Variants in PDE4D observed in about 807,000 individuals in gnomAD.
PDE4D encodes the protein 3',5'-cyclic-AMP phosphodiesterase 4D.
A neutral mutation model predicts 87.4 loss-of-function variants in PDE4D; 24 were observed. That is an observed-to-expected ratio of 0.27 (90% CI 0.20 to 0.39). The LOEUF (loss-of-function observed/expected upper bound fraction) is 0.39. Among genes scored for constraint, PDE4D ranks in the 10% least tolerant of loss-of-function variants. The pLI is 1.00. For missense variants in PDE4D, 714 were observed against 1,041.0 expected (o/e 0.69, Z 4.32); for synonymous variants, 384 against 383.2 (o/e 1.00, Z -0.02).
intron 3 of PDE4D, among the ~76,000 whole-genome samples, chr5:59,961,626 C>T (rs1322019322): frequency 6.6e-6 from 1 of 151,810 alleles, no homozygotes; most frequent in Non-Finnish European, 1.5e-5. Flanking sequence ...GAGAGATAAA[C>T]AATAAATAAA....
chr5:59,831,933 G>A (rs974939462), intron 1 of PDE4D, among the ~76,000 whole-genome samples: 1 of 152,062 alleles, frequency 6.6e-6, no homozygotes, highest in Admixed American at 6.6e-5. Flanking sequence ...AGGGCTCTAC[G>A]AGACAAGCCA....
chr5:59,570,841 G>A (rs940145492), intron 1 of PDE4D, among the ~76,000 whole-genome samples: 2 of 151,976 alleles, frequency 1.3e-5, no homozygotes, highest in Non-Finnish European at 2.9e-5. Context: ...TTAGAAGAGG[G>A]GAAAAACACA....
chr5:60,362,005 C>T (rs1294289900), intron 1 of PDE4D, among the ~76,000 whole-genome samples: 2 of 152,180 alleles, frequency 1.3e-5, no homozygotes, highest in African/African-American at 2.4e-5. Context: ...CTTGTCTCCC[C>T]CTAAATACCT....
At chr5:59,754,933 T>C (rs1167021530) in intron 1 of PDE4D, among the ~76,000 whole-genome samples, 1 of 151,218 alleles carries the variant, frequency 6.6e-6, no homozygotes, top group Admixed American at 6.6e-5. Flanking sequence ...AAGTTCAGTG[T>C]GTTTACCTGC....
At chr5:59,269,664 T>C (rs193164420) in intron 1 of PDE4D, among the ~76,000 whole-genome samples, 15 of 152,038 alleles carry the variant, frequency 9.9e-5, no homozygotes, top group Middle Eastern at 3.4e-3. Context: ...AAGGAGAGGG[T>C]TTGAATTTGG....
chr5:60,207,700 TA>T (rs1742712496), intron 1 of PDE4D, among the ~76,000 whole-genome samples: 2 of 152,342 alleles, frequency 1.3e-5, no homozygotes, highest in South Asian at 4.1e-4. Context: ...TTCAATATTC[TA>T]AAAATATTCA....
At chr5:60,210,347 GT>G (rs200213636) in intron 1 of PDE4D, among the ~76,000 whole-genome samples, 115 of 149,788 alleles carry the variant, frequency 7.7e-4, no homozygotes, top group South Asian at 3.8e-3. Context: ...TGTCTCATTT[GT>G]TTTTTTTTTA....
intron 1 of PDE4D, among the ~76,000 whole-genome samples, chr5:59,835,261 T>G (rs1741843615): frequency 6.6e-6 from 1 of 152,038 alleles, no homozygotes; most frequent in South Asian, 2.1e-4. Flanking sequence ...TGGAACTTTG[T>G]GCATATTGGA....
intron 2 of PDE4D, chr5:60,127,803 A>G: frequency 2.2e-6 from 1 of 453,730 alleles, no homozygotes; most frequent in Non-Finnish European, 3.9e-6. Context: ...GAGGACAAAT[A>G]TGGGCTGAAT....
At chr5:60,071,262 T>C (rs1772687267) in intron 2 of PDE4D, among the ~76,000 whole-genome samples, 1 of 152,024 alleles carries the variant, frequency 6.6e-6, no homozygotes, top group Non-Finnish European at 1.5e-5. Flanking sequence ...TTGTTCTACT[T>C]CCTTGAGATG....
intron 4 of PDE4D, 75 bp from the exon 5 acceptor site, chr5:59,180,719 G>T: frequency 7.7e-7 from 1 of 1,301,424 alleles, no homozygotes. Flanking sequence ...AGTCATTTCA[G>T]ATATAGCATT....
At chr5:60,467,412 C>T (rs913929771) in intron 1 of PDE4D, among the ~76,000 whole-genome samples, 1 of 152,086 alleles carries the variant, frequency 6.6e-6, no homozygotes, top group African/African-American at 2.4e-5. Context: ...TACTTGGAGC[C>T]CCAGAAATGT....
At chr5:59,122,520 T>G (rs1774718263) in intron 5 of PDE4D, among the ~76,000 whole-genome samples, 1 of 152,176 alleles carries the variant, frequency 6.6e-6, no homozygotes, top group Non-Finnish European at 1.5e-5. Flanking sequence ...GTATTGCATA[T>G]TTCAAAATAG....
At chr5:59,810,781 T>G (rs951431931) in intron 1 of PDE4D, among the ~76,000 whole-genome samples, 3 of 152,260 alleles carry the variant, frequency 2.0e-5, no homozygotes, top group Admixed American at 2.0e-4. Context: ...ATACAAACTT[T>G]AATGGCTATT....
intron 1 of PDE4D, among the ~76,000 whole-genome samples, chr5:60,309,801 T>A (rs1420353396): frequency 6.6e-6 from 1 of 152,214 alleles, no homozygotes; most frequent in Non-Finnish European, 1.5e-5. Context: ...CTTATAGCAA[T>A]GCTAATTTGC....
upstream of PDE4D, among the ~76,000 whole-genome samples, chr5:59,895,976 A>T (rs557187375): frequency 2.2e-3 from 342 of 152,346 alleles, 1 homozygote; most frequent in African/African-American, 7.7e-3. Flanking sequence ...GGAACATTTT[A>T]AAATGTAAGA....
intron 6 of PDE4D, among the ~76,000 whole-genome samples, chr5:59,028,446 G>T (rs1220381908): frequency 2.0e-5 from 3 of 149,776 alleles, no homozygotes; most frequent in African/African-American, 7.4e-5. Context: ...CTTCACATAT[G>T]GAAATGAATG....
At chr5:59,929,658 G>A (rs1755678940) in intron 3 of PDE4D, among the ~76,000 whole-genome samples, 1 of 152,148 alleles carries the variant, frequency 6.6e-6, no homozygotes, top group African/African-American at 2.4e-5. Flanking sequence ...AATAAAGTGG[G>A]AATGTGTTCA....
intron 1 of PDE4D, among the ~76,000 whole-genome samples, chr5:60,401,933 T>C (rs369715683): frequency 2.0e-5 from 3 of 152,182 alleles, no homozygotes; most frequent in South Asian, 2.1e-4. Flanking sequence ...TAAAGCACTA[T>C]GAAATGAATC....
Sources: gnomAD v4.1 joint callset for allele counts (sites outside exome capture counted in the v4.1 genomes callset) on GRCh38, gnomAD v4.1.1 for gene constraint, MANE v1.5 for transcripts, NCBI Gene and HGNC (gene_info 2026-07-23, HGNC 2026-07-21) for gene names.